The following NRG2 variants were observed in gnomAD, a reference collection of about 807,000 sequenced individuals.
NRG2 encodes pro-neuregulin-2, membrane-bound isoform.
Under a neutral mutation model 73.9 loss-of-function variants are expected in NRG2, and 27 were observed. That is an observed-to-expected ratio of 0.37 (90% CI 0.27 to 0.50). The LOEUF is 0.50. Ranked by LOEUF, NRG2 falls within the 20% of genes least tolerant of loss-of-function variation. NRG2 has a pLI of 0.96. For synonymous variants in NRG2, 532 were observed against 541.0 expected, an observed-to-expected ratio of 0.98 and a Z score of 0.23; for missense variants, 1,126 against 1,210.1, an observed-to-expected ratio of 0.93 and a Z score of 1.03.
intron 1 of NRG2, among the ~76,000 whole-genome samples, chr5:139,932,193 T>C (rs1752509960): frequency 6.6e-6 from 1 of 151,480 alleles, no homozygotes; most frequent in African/African-American, 2.4e-5. Context: ...TAAATGCCCA[T>C]AGATGGATGA....
At chr5:139,892,787 G>A (rs555992487) in intron 1 of NRG2, among the ~76,000 whole-genome samples, 29 of 152,292 alleles carry the variant, frequency 1.9e-4, no homozygotes, top group Middle Eastern at 6.8e-3. Flanking sequence ...CCATTCAGTC[G>A]ACACTCTGAT....
intron 1 of NRG2, among the ~76,000 whole-genome samples, chr5:140,032,116 C>T (rs1761203615): frequency 6.6e-6 from 1 of 152,144 alleles, no homozygotes; most frequent in Non-Finnish European, 1.5e-5. Context: ...CAGCTTACTA[C>T]AGAAAAGGAA....
intron 1 of NRG2, among the ~76,000 whole-genome samples, chr5:140,028,139 C>T (rs1198714733): frequency 2.6e-5 from 4 of 152,084 alleles, no homozygotes; most frequent in Admixed American, 2.6e-4. Flanking sequence ...AGGAAAAGGC[C>T]ATTAGTAAGA....
At chr5:140,012,775 T>G (rs1759467540) in intron 1 of NRG2, among the ~76,000 whole-genome samples, 1 of 152,228 alleles carries the variant, frequency 6.6e-6, no homozygotes, top group Non-Finnish European at 1.5e-5. Context: ...TCTTCCCTTC[T>G]CTTTCTTTCT....
At chr5:139,938,901 AAAG>A (rs1159976190) in intron 1 of NRG2, among the ~76,000 whole-genome samples, 1 of 69,696 alleles carries the variant, frequency 1.4e-5, no homozygotes, top group African/African-American at 8.3e-5. Flanking sequence ...AGAAAGAAAG[AAAG>A]AAAAGAAAGA....
At chr5:139,936,318 C>T (rs1398602544) in intron 1 of NRG2, among the ~76,000 whole-genome samples, 1 of 152,008 alleles carries the variant, frequency 6.6e-6, no homozygotes, top group African/African-American at 2.4e-5. Context: ...GCAGTATCAA[C>T]AATGAGAAAA....
chr5:140,023,422 A>C (rs1401329667), intron 1 of NRG2, among the ~76,000 whole-genome samples: 1 of 152,072 alleles, frequency 6.6e-6, no homozygotes, highest in Admixed American at 6.5e-5. Flanking sequence ...TCCAGTCCTA[A>C]CTCTGTACTA....
intron 1 of NRG2, among the ~76,000 whole-genome samples, chr5:139,946,061 G>C (rs1580791532): frequency 6.6e-6 from 1 of 152,020 alleles, no homozygotes; most frequent in Non-Finnish European, 1.5e-5. Context: ...TACAGATTCA[G>C]TGCCATCCCA....
At chr5:139,899,472 A>G (rs575885780) in intron 1 of NRG2, among the ~76,000 whole-genome samples, 2 of 152,344 alleles carry the variant, frequency 1.3e-5, no homozygotes, top group South Asian at 4.1e-4. Context: ...TTCTGATGCT[A>G]GATCTAGCCG....
chr5:139,862,530 G>A (rs915775626), intron 5 of NRG2, among the ~76,000 whole-genome samples: 4 of 152,262 alleles, frequency 2.6e-5, no homozygotes, highest in Non-Finnish European at 5.9e-5. Flanking sequence ...ATGGCAACCT[G>A]ATGCTGGACT....
At chr5:139,982,755 C>T (rs1580871364) in intron 1 of NRG2, among the ~76,000 whole-genome samples, 1 of 152,186 alleles carries the variant, frequency 6.6e-6, no homozygotes, top group African/African-American at 2.4e-5. Flanking sequence ...CCCCGCAAGG[C>T]GCCTTGCTTT....
chr5:139,991,140 G>GT (rs1377650496), intron 1 of NRG2, among the ~76,000 whole-genome samples: 1 of 152,106 alleles, frequency 6.6e-6, no homozygotes, highest in Non-Finnish European at 1.5e-5. Context: ...CTGGCATGGT[G>GT]TGGGGGGGTG....
chr5:139,908,848 C>G (rs1437575176), intron 1 of NRG2, among the ~76,000 whole-genome samples: 1 of 152,226 alleles, frequency 6.6e-6, no homozygotes, highest in African/African-American at 2.4e-5. Context: ...CAGCTGGGCT[C>G]CCACTTCCCC....
chr5:139,885,741 G>A (rs1048660966), intron 2 of NRG2, among the ~76,000 whole-genome samples: 3 of 151,904 alleles, frequency 2.0e-5, no homozygotes, highest in East Asian at 3.9e-4. Context: ...ATGTGCGGGA[G>A]GGAGGGTGAG....
chr5:140,024,570 T>C (rs755704997), intron 1 of NRG2, among the ~76,000 whole-genome samples: 7 of 152,234 alleles, frequency 4.6e-5, no homozygotes, highest in Non-Finnish European at 8.8e-5. Context: ...AAAGTGATTT[T>C]ATCACCAAGC....
chr5:139,982,858 G>A (rs1756914606), intron 1 of NRG2, among the ~76,000 whole-genome samples: 1 of 152,292 alleles, frequency 6.6e-6, no homozygotes, highest in Admixed American at 6.5e-5. Context: ...AATGAATGGG[G>A]GAAATTTTAT....
intron 1 of NRG2, among the ~76,000 whole-genome samples, chr5:139,994,468 G>A (rs1757880028): frequency 1.3e-5 from 2 of 152,226 alleles, no homozygotes; most frequent in Admixed American, 1.3e-4. Context: ...TCACAGCATG[G>A]TTCTGGATAA....
intron 1 of NRG2, among the ~76,000 whole-genome samples, chr5:139,960,639 A>C (rs985130922): frequency 1.3e-5 from 2 of 152,226 alleles, no homozygotes; most frequent in African/African-American, 4.8e-5. Context: ...CTCATCTGTA[A>C]ATGGAAGTAA....
intron 1 of NRG2, among the ~76,000 whole-genome samples, chr5:139,935,252 G>GAA (rs1430208562): frequency 1.3e-5 from 2 of 152,124 alleles, no homozygotes; most frequent in Non-Finnish European, 2.9e-5. Context: ...TAGAAATAGA[G>GAA]AAATAGACAA....
Sources: gnomAD v4.1 joint callset for allele counts (sites outside exome capture counted in the v4.1 genomes callset) on GRCh38, gnomAD v4.1.1 for gene constraint, MANE v1.5 for transcripts, NCBI Gene and HGNC (gene_info 2026-07-23, HGNC 2026-07-21) for gene names.